Variants in GFRA2 observed in about 807,000 individuals in gnomAD.
The protein encoded by GFRA2 is GDNF family receptor alpha-2.
Under a neutral mutation model 48.3 loss-of-function variants are expected in GFRA2, and 17 were observed. That is an observed-to-expected ratio of 0.35 (90% CI 0.24 to 0.53). The LOEUF (loss-of-function observed/expected upper bound fraction) is 0.53, where lower values mean the gene tolerates loss of function less well. Ranked by LOEUF, GFRA2 falls within the 20% of genes least tolerant of loss-of-function variation. The probability of loss-of-function intolerance (pLI) is 0.93; values close to 1 mark genes in which losing one functional copy is unlikely to be tolerated. For synonymous variants in GFRA2, 305 were observed against 257.2 expected, an observed-to-expected ratio of 1.19 and a Z score of -1.78; for missense variants, 660 against 637.3, an observed-to-expected ratio of 1.04 and a Z score of -0.38.
At chr8:21,703,462 C>A (rs1458815168) in intron 6 of GFRA2, among the ~76,000 whole-genome samples, 1 of 152,104 alleles carries the variant, frequency 6.6e-6, no homozygotes, top group Non-Finnish European at 1.5e-5. Flanking sequence ...CTCCACACCA[C>A]AGGCTCTCCC....
At chr8:21,726,563 C>T (rs954256780) in intron 4 of GFRA2, among the ~76,000 whole-genome samples, 2 of 152,216 alleles carry the variant, frequency 1.3e-5, no homozygotes, top group East Asian at 3.9e-4. Flanking sequence ...TTGCCTCTTC[C>T]GGCTTCTGGT....
intron 2 of GFRA2, among the ~76,000 whole-genome samples, chr8:21,775,473 G>A (rs957015197): frequency 2.6e-5 from 4 of 152,182 alleles, no homozygotes; most frequent in African/African-American, 9.7e-5. Context: ...TTTCACAAGA[G>A]AGGGCTCTGA....
chr8:21,753,863 G>A (rs1260563620), intron 3 of GFRA2, among the ~76,000 whole-genome samples: 1 of 152,088 alleles, frequency 6.6e-6, no homozygotes, highest in Non-Finnish European at 1.5e-5. Flanking sequence ...CCTTTCTCCA[G>A]GCTCATTTCC....
At chr8:21,775,728 G>A (rs1464446190) in intron 2 of GFRA2, among the ~76,000 whole-genome samples, 1 of 152,174 alleles carries the variant, frequency 6.6e-6, no homozygotes. Flanking sequence ...TTCCATCTGC[G>A]TGGTCCCTCT....
upstream of GFRA2, among the ~76,000 whole-genome samples, chr8:21,791,576 AAC>A (rs1800206069): frequency 6.6e-6 from 1 of 152,202 alleles, no homozygotes; most frequent in South Asian, 2.1e-4. Context: ...CTACAGAGGA[AAC>A]ACAGTTGAAC....
At chr8:21,743,187 T>C (rs114432585) in intron 4 of GFRA2, among the ~76,000 whole-genome samples, 2,669 of 152,194 alleles carry the variant, frequency 0.018, 61 homozygotes, top group South Asian at 0.077. Flanking sequence ...AAGGGGAAAC[T>C]GGATCTCAGG....
rs563514511 is a variant in GFRA2 at position 21,693,289 on chromosome 8, G to A, written c.1384C>T (p.Leu462=). The change falls in exon 9 of 9, where the codon CTG becomes TTG. Residue 462 remains leucine, a synonymous_variant. Transcript: ENST00000524240. ...LTVLSVLMLK[L]AL Reference sequence around the variant, plus strand: ...TCGGTTCCCACAGCCTACAAGGCCAGTTTCAGCATCAGGACAGACAGCACG... The same window carrying A: ...TCGGTTCCCACAGCCTACAAGGCCAATTTCAGCATCAGGACAGACAGCACG... 3.1e-6 allele frequency: 5 copies of A among 1,612,390 alleles called. No individual in the cohort carries two copies. In the African/African-American group the frequency reaches 6.7e-5, roughly 22 times the overall value.
intron 7 of GFRA2, among the ~76,000 whole-genome samples, chr8:21,700,063 G>T (rs934575301): frequency 6.6e-6 from 1 of 152,164 alleles, no homozygotes; most frequent in African/African-American, 2.4e-5. Context: ...TGACATCAGG[G>T]TAGGACGCAC....
At chr8:21,805,490 G>A (rs1001980583) in intron 1 of GFRA2, among the ~76,000 whole-genome samples, 1 of 152,202 alleles carries the variant, frequency 6.6e-6, no homozygotes, top group African/African-American at 2.4e-5. Context: ...ACAGTGGCTT[G>A]GGGAGGTAGA....
rs780178664 is a variant in GFRA2 at position 21,794,863 on chromosome 8, AAC to A, written c.-35-6671_-35-6670del. 7.2e-5 allele frequency among the ~76,000 whole-genome samples: 11 copies of A among 152,350 alleles called. No homozygotes were observed. The East Asian group carries it at 1.9e-3, about 27-fold the overall frequency. ...ATAAACCATCTGATCCCAAAGAATG[AAC>A]AGGGCTGCTGGGGCAGGCTGGGTGG... On this transcript the variant is annotated intron_variant, in intron 2 of 10. Transcript: ENST00000517328.
rs937097412 is a variant in GFRA2 at position 21,812,096 on chromosome 8, A to G, written c.-148+135T>C. 6 of 152,144 alleles carry G rather than the reference A, an allele frequency of 3.9e-5. No individual in the cohort carries two copies. The East Asian group carries it at 7.7e-4, about 20-fold the overall frequency. The allele number at this position is 152,144 out of a possible 1,614,324, so 9.4% of individuals were successfully genotyped here. On this transcript the variant is annotated intron_variant, in intron 1 of 10. Transcript: ENST00000517328. ...TTTGTCATTTCCAGTCTCTGCCCCT[A>G]CTGAAGCGTGTGGCCATCCGAAACC...
intron 2 of GFRA2, among the ~76,000 whole-genome samples, chr8:21,799,586 A>T (rs982816380): frequency 1.3e-5 from 2 of 152,132 alleles, no homozygotes; most frequent in African/African-American, 4.8e-5. Context: ...TTCTATAAAG[A>T]CTCAGTCCAT....
At chr8:21,757,592 C>T (rs184756918) in intron 3 of GFRA2, among the ~76,000 whole-genome samples, 39 of 151,974 alleles carry the variant, frequency 2.6e-4, no homozygotes, top group Non-Finnish European at 2.6e-4. Context: ...CTCCCAGGTT[C>T]AGGCGATTCT....
At chr8:21,699,946 G>A (rs1221821961) in intron 7 of GFRA2, among the ~76,000 whole-genome samples, 1 of 152,232 alleles carries the variant, frequency 6.6e-6, no homozygotes, top group African/African-American at 2.4e-5. Context: ...CCTAGCAGGG[G>A]AGAGGAGAAC....
At chr8:21,804,225 C>T (rs4872308) in intron 2 of GFRA2, among the ~76,000 whole-genome samples, 65,859 of 151,406 alleles carry the variant, frequency 0.43, 15,795 homozygotes, top group African/African-American at 0.64. Context: ...CACACACACA[C>T]ACACATGCAT....
intron 3 of GFRA2, among the ~76,000 whole-genome samples, chr8:21,759,537 GGAAGGA>G (rs1217976541): frequency 2.0e-4 from 30 of 148,366 alleles, no homozygotes; most frequent in South Asian, 6.5e-4. Context: ...AAGGAAGGAA[GGAAGGA>G]GGGAAGGAAG....
intron 1 of GFRA2, chr8:21,812,141 T>C (rs1336210290): frequency 6.6e-6 from 1 of 152,250 alleles, no homozygotes; most frequent in Non-Finnish European, 1.5e-5. Flanking sequence ...ACCGGGTAGA[T>C]CCCAGCTGAA....
chr8:21,792,507 G>A (rs1347538074), upstream of GFRA2, among the ~76,000 whole-genome samples: 3 of 152,192 alleles, frequency 2.0e-5, no homozygotes, highest in Non-Finnish European at 4.4e-5. Flanking sequence ...CAGGGCCAAC[G>A]GCTGTGGGGA....
intron 2 of GFRA2, among the ~76,000 whole-genome samples, chr8:21,799,770 G>T (rs1208455834): frequency 1.3e-5 from 2 of 152,200 alleles, no homozygotes; most frequent in African/African-American, 4.8e-5. Context: ...TGAAGTGGGA[G>T]ATGAAGGCAT....
Sources: allele counts gnomAD v4.1 joint callset (sites outside exome capture counted in the v4.1 genomes callset), GRCh38; gene constraint gnomAD v4.1.1; transcripts MANE v1.5; gene names NCBI Gene and HGNC (gene_info 2026-07-23, HGNC 2026-07-21).